Variants in DCDC2 observed in about 807,000 individuals in gnomAD.
The protein encoded by DCDC2 is doublecortin domain containing 2.
A neutral mutation model predicts 50.2 loss-of-function variants in DCDC2; 40 were observed. The observed-to-expected ratio is 0.80, with a 90% confidence interval of 0.62 to 1.04. DCDC2 has a LOEUF of 1.04. DCDC2 is among the 50% of genes least tolerant of loss of function. DCDC2 has a pLI of 0.00. For synonymous variants in DCDC2, 234 were observed against 210.6 expected (o/e 1.11, Z -0.96); for missense variants, 570 against 581.9 (o/e 0.98, Z 0.21).
intron 7 of DCDC2, among the ~76,000 whole-genome samples, chr6:24,227,059 T>C (rs998097144): frequency 2.0e-5 from 3 of 152,164 alleles, no homozygotes; most frequent in Non-Finnish European, 4.4e-5. Context: ...AGGGGATTGA[T>C]CTTTCTTCTC....
chr6:24,307,630 C>T (rs1759497001), intron 2 of DCDC2, among the ~76,000 whole-genome samples: 1 of 152,166 alleles, frequency 6.6e-6, no homozygotes, highest in South Asian at 2.1e-4. Context: ...GTTTTCACCA[C>T]TTTTTGATAA....
At position 24,301,860 on chromosome 6, in the gene DCDC2, G is replaced by C. The variant is rs1378654070; in HGVS notation, c.426-14C>G. 6.2e-7 allele frequency: 1 copy of C among 1,613,942 alleles called. No homozygotes were observed. Among genetic ancestry groups the C allele is most frequent in the African/African-American group, 1.3e-5 (1 of 74,888 alleles). ...TTTGCAATCAAGCTGGAAAACAGGG[G>C]GCAAACCTTCTGAAACAGTTATGCC... On this transcript the variant is annotated splice_polypyrimidine_tract_variant and intron_variant, in intron 3 of 9. Coordinates refer to ENST00000378454, the MANE Select transcript of DCDC2 (RefSeq NM_016356.5).
chr6:24,182,735 A>T (rs143648467), intron 8 of DCDC2, among the ~76,000 whole-genome samples: 3 of 152,224 alleles, frequency 2.0e-5, no homozygotes, highest in African/African-American at 4.8e-5. Context: ...CCTGAAAAAC[A>T]GTATGGTCAT....
At chr6:24,243,042 T>C (rs777263272) in intron 7 of DCDC2, among the ~76,000 whole-genome samples, 8 of 152,006 alleles carry the variant, frequency 5.3e-5, no homozygotes, top group Non-Finnish European at 7.3e-5. Flanking sequence ...CACTGGAGAC[T>C]GCCAGTCAAG....
intron 8 of DCDC2, among the ~76,000 whole-genome samples, chr6:24,190,548 G>GA (rs1178357440): frequency 6.6e-6 from 1 of 151,984 alleles, no homozygotes; most frequent in Non-Finnish European, 1.5e-5. Flanking sequence ...TTTAAAAAAA[G>GA]AAAAAAGTTC....
upstream of DCDC2, among the ~76,000 whole-genome samples, chr6:24,358,936 T>TTTATATATTATATATTATATA (rs1208615202): frequency 5.9e-5 from 1 of 16,990 alleles, no homozygotes; most frequent in African/African-American, 2.4e-4. Context: ...TATTATATAT[T>TTTATATATTATATATTATATA]TTATATATTA....
At chr6:24,212,429 T>C (rs921872596) in intron 7 of DCDC2, among the ~76,000 whole-genome samples, 8 of 152,154 alleles carry the variant, frequency 5.3e-5, no homozygotes, top group African/African-American at 1.7e-4. Context: ...TTTGTTTTCT[T>C]TCCCTAACTG....
At chr6:24,317,944 C>T (rs1339907655) in intron 2 of DCDC2, among the ~76,000 whole-genome samples, 1 of 151,336 alleles carries the variant, frequency 6.6e-6, no homozygotes, top group African/African-American at 2.4e-5. Flanking sequence ...AGAACAACAC[C>T]AAGATACCAT....
rs1053581621 is a variant in DCDC2 at position 24,284,373 on chromosome 6, C to T, written c.759+4479G>A. On this transcript the variant is annotated intron_variant, in intron 6 of 9. Coordinates refer to ENST00000378454, the MANE Select transcript of DCDC2 (RefSeq NM_016356.5). Reference sequence around the variant, plus strand: ...CTCTCATCCCAACACTTTGAGAGGCCGAGGCAGGTGGATCATGAGGTCAGG... The same window carrying T: ...CTCTCATCCCAACACTTTGAGAGGCTGAGGCAGGTGGATCATGAGGTCAGG... Among the ~76,000 whole-genome samples, 5 of 151,782 alleles carry T rather than the reference C, an allele frequency of 3.3e-5. No individual in the cohort carries two copies. The East Asian group carries it at 5.8e-4, about 18-fold the overall frequency.
chr6:24,366,205 T>C, the DCDC2 span, among the ~76,000 whole-genome samples: 4 of 152,362 alleles, frequency 2.6e-5, no homozygotes, highest in South Asian at 6.2e-4. Context: ...CATTAAACTT[T>C]ATTTTATATA....
At chr6:24,301,250 G>A (rs996026161) in intron 4 of DCDC2, among the ~76,000 whole-genome samples, 10 of 151,220 alleles carry the variant, frequency 6.6e-5, no homozygotes, top group South Asian at 2.1e-4. Flanking sequence ...GGGCGCCTGT[G>A]GTCCCAGCTA....
At chr6:24,250,112 C>G (rs868699530) in intron 7 of DCDC2, among the ~76,000 whole-genome samples, 10 of 152,276 alleles carry the variant, frequency 6.6e-5, no homozygotes, top group African/African-American at 1.9e-4. Flanking sequence ...CCTCCCTCCC[C>G]CATCCTCTGA....
intron 8 of DCDC2, among the ~76,000 whole-genome samples, chr6:24,201,318 A>T (rs1484980892): frequency 1.3e-5 from 2 of 152,194 alleles, no homozygotes; most frequent in East Asian, 3.8e-4. Context: ...ACACCATAGT[A>T]CAATCAAATT....
rs3846830 is a variant in DCDC2, at chr6:24,303,815, C to T, written c.349-1771G>A. Among the ~76,000 whole-genome samples the T allele has an allele frequency of 3.2e-3, 493 of 152,234 alleles. 1 individual carries two copies. Among genetic ancestry groups the T allele is most frequent in the Middle Eastern group, 0.014 (4 of 294 alleles). ...AACTGGAGCTTGATTAATTAATTGG[C>T]CTAAAATCACACATAATAAGTGGTA... On this transcript the variant is annotated intron_variant, in intron 2 of 9. Coordinates refer to ENST00000378454, the MANE Select transcript of DCDC2 (RefSeq NM_016356.5).
intron 2 of DCDC2, among the ~76,000 whole-genome samples, chr6:24,331,927 A>G (rs1759972189): frequency 1.3e-5 from 2 of 152,220 alleles, no homozygotes; most frequent in Non-Finnish European, 2.9e-5. Flanking sequence ...TTGCACAACT[A>G]TTTTTTAAGT....
intron 7 of DCDC2, among the ~76,000 whole-genome samples, chr6:24,224,810 C>A (rs1227364291): frequency 6.6e-6 from 1 of 152,146 alleles, no homozygotes; most frequent in Non-Finnish European, 1.5e-5. Flanking sequence ...TAGCACTTAC[C>A]ACCCAGACTA....
chr6:24,322,342 T>C (rs769261988), intron 2 of DCDC2, among the ~76,000 whole-genome samples: 3 of 152,208 alleles, frequency 2.0e-5, no homozygotes, highest in Non-Finnish European at 4.4e-5. Context: ...TGACTTACTT[T>C]CCAATCTGAT....
chr6:24,369,806 G>T, the DCDC2 span, among the ~76,000 whole-genome samples: 6 of 152,108 alleles, frequency 3.9e-5, no homozygotes, highest in African/African-American at 1.4e-4. Flanking sequence ...TTGGGAGGCT[G>T]AGGTGGGAAG....
chr6:24,245,070 T>C (rs917088830), intron 7 of DCDC2, among the ~76,000 whole-genome samples: 2 of 152,146 alleles, frequency 1.3e-5, no homozygotes, highest in Admixed American at 6.5e-5. Context: ...TGGTTGCTCC[T>C]GTAATCCCAG....
Sources: allele counts gnomAD v4.1 joint callset (sites outside exome capture counted in the v4.1 genomes callset), GRCh38; gene constraint gnomAD v4.1.1; transcripts MANE v1.5; gene names NCBI Gene and HGNC (gene_info 2026-07-23, HGNC 2026-07-21).